Variants in INVS observed in about 807,000 individuals in gnomAD.
The protein encoded by INVS is inversin, also known as inversion of embryo turning homolog.
In INVS, 86 loss-of-function variants were observed where a neutral mutation model predicts 108.8. That is an observed-to-expected ratio of 0.79 (90% CI 0.66 to 0.95). The LOEUF (loss-of-function observed/expected upper bound fraction) is 0.95, where lower values mean the gene tolerates loss of function less well. Ranked by LOEUF, INVS falls within the 40% of genes least tolerant of loss-of-function variation. The probability of loss-of-function intolerance (pLI) is 0.00; values close to 1 mark genes in which losing one functional copy is unlikely to be tolerated. For missense variants in INVS, 1,169 were observed against 1,297.4 expected (o/e 0.90, Z 1.52); for synonymous variants, 455 against 473.5 (o/e 0.96, Z 0.51).
chr9:100,276,861 A>G (rs1241784019), intron 12 of INVS, among the ~76,000 whole-genome samples: 1 of 152,050 alleles, frequency 6.6e-6, no homozygotes, highest in African/African-American at 2.4e-5. Flanking sequence ...CATTTCTTTC[A>G]CTTCCACTTA....
intron 3 of INVS, chr9:100,175,223 G>T: frequency 1.7e-6 from 1 of 578,216 alleles, no homozygotes. Context: ...TTGCTCTGAA[G>T]CATCCAACTG....
At chr9:100,227,375 T>C (rs1172330252) in intron 4 of INVS, among the ~76,000 whole-genome samples, 1 of 152,224 alleles carries the variant, frequency 6.6e-6, no homozygotes, top group East Asian at 1.9e-4. Context: ...TGGTTCCTGC[T>C]CATTAAATTA....
At chr9:100,115,733 T>A (rs1450899508) in intron 2 of INVS, among the ~76,000 whole-genome samples, 1 of 152,238 alleles carries the variant, frequency 6.6e-6, no homozygotes, top group Non-Finnish European at 1.5e-5. Flanking sequence ...TTTGCTATTG[T>A]GAGTAGTGCC....
In INVS at chr9:100,242,588, A is replaced by C. The variant is rs151080341; in HGVS notation, c.815A>C (p.His272Pro). ...AALLGHAQIV[H>P]LLLERNKSGT... ...TTCTCAGGCCATGCACAGATTGTCC[A>C]TCTCCTTTTAGAAAGAAATAAGTCT... Residue 272 changes from histidine to proline, a missense_variant, in exon 7 of 17, where the codon CAT becomes CCT. Coordinates refer to ENST00000262457, the MANE Select transcript of INVS (RefSeq NM_014425.5). 1.6e-5 allele frequency: 26 copies of C among 1,603,898 alleles called. No homozygotes were observed. Among genetic ancestry groups the C allele is most frequent in the Non-Finnish European group, 1.7e-5 (20 of 1,170,902 alleles).
chr9:100,295,944 G>A (rs1197931828), intron 14 of INVS, among the ~76,000 whole-genome samples: 1 of 152,210 alleles, frequency 6.6e-6, no homozygotes, highest in African/African-American at 2.4e-5. Flanking sequence ...AATGTGGTAC[G>A]TATTCTAGTA....
At chr9:100,215,765 G>A (rs561463527) in intron 3 of INVS, among the ~76,000 whole-genome samples, 2 of 152,238 alleles carry the variant, frequency 1.3e-5, no homozygotes, top group Non-Finnish European at 2.9e-5. Flanking sequence ...AAATGTCTAT[G>A]GTGGAAAGGC....
chr9:100,110,670 G>A (rs1827314755), intron 2 of INVS, among the ~76,000 whole-genome samples: 2 of 151,968 alleles, frequency 1.3e-5, no homozygotes, highest in South Asian at 4.1e-4. Context: ...GCAATATAGA[G>A]GATTACAAAG....
At chr9:100,141,006 A>T (rs1828410043) in intron 3 of INVS, among the ~76,000 whole-genome samples, 2 of 152,194 alleles carry the variant, frequency 1.3e-5, no homozygotes, top group Admixed American at 6.5e-5. Flanking sequence ...TTCAAGAGTT[A>T]AGAGTGGCAG....
rs57734783 is a variant in INVS at position 100,225,746 on chromosome 9, A to T, written c.274-316A>T. Among the ~76,000 whole-genome samples the T allele has an allele frequency of 0.18, 26,795 of 151,852 alleles. 3,559 individuals are homozygous for T. Among genetic ancestry groups the T allele is most frequent in the African/African-American group, 0.38 (15,784 of 41,204 alleles). On this transcript the variant is annotated intron_variant, in intron 3 of 16. Coordinates refer to ENST00000262457, the MANE Select transcript of INVS (RefSeq NM_014425.5). ...AAAAAAGATGTACAGTGAAGCATTT[A>T]CTACAAAAAAAATATTAGAAACATT...
At chr9:100,256,050 T>G (rs1410668956) in intron 10 of INVS, among the ~76,000 whole-genome samples, 1 of 152,148 alleles carries the variant, frequency 6.6e-6, no homozygotes, top group Non-Finnish European at 1.5e-5. Flanking sequence ...GTCCTGGACA[T>G]TTTTTGGTTG....
chr9:100,187,652 G>A lies in INVS; in HGVS notation c.274-38410G>A, dbSNP rs1302001875. Among the ~76,000 whole-genome samples the A allele has an allele frequency of 5.3e-5, 8 of 150,616 alleles. No individual in the cohort carries two copies. The South Asian group carries it at 1.5e-3, about 28-fold the overall frequency. ...AGCGATTCTCCTGCCTCAGCCTCCTGAGTAGCTGGGATTACAGATGTGTGC... is the reference window on the plus strand; with the variant it reads ...AGCGATTCTCCTGCCTCAGCCTCCTAAGTAGCTGGGATTACAGATGTGTGC... On this transcript the variant is annotated intron_variant, in intron 3 of 16. Coordinates refer to ENST00000262457, the MANE Select transcript of INVS (RefSeq NM_014425.5).
intron 3 of INVS, among the ~76,000 whole-genome samples, chr9:100,148,174 TA>T (rs1308721760): frequency 6.6e-6 from 1 of 151,422 alleles, no homozygotes; most frequent in Admixed American, 6.6e-5. Flanking sequence ...ACCGTGTCTC[TA>T]AAAAAAACAG....
intron 2 of INVS, among the ~76,000 whole-genome samples, chr9:100,104,992 T>G (rs977503924): frequency 3.9e-5 from 6 of 152,206 alleles, no homozygotes; most frequent in Non-Finnish European, 8.8e-5. Flanking sequence ...ATTTAATTTT[T>G]AATGATTTAA....
rs1321793534 is a variant in INVS at position 100,100,804 on chromosome 9, TA to T, written c.-25+1389del. 0.026 allele frequency among the ~76,000 whole-genome samples: 330 copies of T among 12,596 alleles called. 104 individuals carry two copies. In the Middle Eastern group the frequency reaches 0.33, roughly 13 times the overall value. The allele number at this position is 12,596 out of a possible 152,430, so 8.3% of individuals were successfully genotyped here. A position where few individuals can be genotyped will look rare whatever the true frequency, so the allele number is the denominator to read the frequency against. On this transcript the variant is annotated intron_variant, in intron 1 of 16. Coordinates refer to ENST00000262457, the MANE Select transcript of INVS (RefSeq NM_014425.5). The stretch of plus-strand genomic sequence containing the variant: ...ATATATATTATATATATAATATATG[TA>T]TATATAATATATATAATATATGTAT...
At chr9:100,198,662 G>A (rs1180555456) in intron 3 of INVS, among the ~76,000 whole-genome samples, 1 of 150,786 alleles carries the variant, frequency 6.6e-6, no homozygotes, top group Non-Finnish European at 1.5e-5. Context: ...GCATGATCTC[G>A]GCTCACTGCA....
chr9:100,237,479 C>A (rs896969117), intron 5 of INVS, among the ~76,000 whole-genome samples: 5 of 152,180 alleles, frequency 3.3e-5, no homozygotes, highest in Admixed American at 6.5e-5. Flanking sequence ...ACCTAGGGCC[C>A]TGGTGCTGTA....
intron 2 of INVS, among the ~76,000 whole-genome samples, chr9:100,123,489 A>G (rs1827787737): frequency 6.6e-6 from 1 of 152,212 alleles, no homozygotes; most frequent in South Asian, 2.1e-4. Context: ...CATTTTGTTT[A>G]ACCATTCGTC....
Position 100,284,305 on chromosome 9 carries a change from T to C in INVS, c.1785-15T>C. 1 of 1,613,198 alleles carries C rather than the reference T, an allele frequency of 6.2e-7. No individual in the cohort carries two copies. The highest frequency in any genetic ancestry group is 2.2e-5 in the East Asian group (1 of 44,890). ...CTTTAAATTTTTTCATCTTCTTCTT[T>C]GGCTTTGCTTCCAGAAAGCGAGAGG... On this transcript the variant is annotated splice_polypyrimidine_tract_variant and intron_variant, in intron 12 of 16. Transcript: ENST00000262457.
In INVS at chr9:100,292,739, C is replaced by T. The variant is rs750647202; in HGVS notation, c.2482C>T (p.His828Tyr). Reference protein sequence around the residue: ...AVHAGQNPPHHRTPRNKVTQA... With the variant: ...AVHAGQNPPHYRTPRNKVTQA... ...CCATGCTGGGCAGAATCCTCCCCAC[C>T]ATCGTACACCAAGAAACAAAGTGAC... Residue 828 changes from histidine to tyrosine, a missense_variant, in exon 14 of 17, where the codon CAT becomes TAT. Physicochemically the swap from His to Tyr is moderately conservative, Grantham distance 83 (BLOSUM62 2). Coordinates refer to ENST00000262457, the MANE Select transcript of INVS (RefSeq NM_014425.5). The T allele has an allele frequency of 5.6e-6, 9 of 1,614,158 alleles. No homozygotes were observed. Among genetic ancestry groups the T allele is most frequent in the South Asian group, 1.1e-5 (1 of 91,086 alleles).
Sources: gnomAD v4.1 joint callset for allele counts (sites outside exome capture counted in the v4.1 genomes callset) on GRCh38, gnomAD v4.1.1 for gene constraint, MANE v1.5 for transcripts, NCBI Gene and HGNC (gene_info 2026-07-23, HGNC 2026-07-21) for gene names.